Variants in PCSK5 observed in about 807,000 individuals in gnomAD.
PCSK5 encodes the protein proprotein convertase subtilisin/kexin type 5, also known as prohormone convertase 5.
Under a neutral mutation model 233.2 loss-of-function variants are expected in PCSK5, and 129 were observed. That is an observed-to-expected ratio of 0.55 (90% CI 0.48 to 0.64). The LOEUF is 0.64. PCSK5 is among the 30% of genes least tolerant of loss of function. PCSK5 has a pLI of 0.00. For synonymous variants in PCSK5, 825 were observed against 879.2 expected, an observed-to-expected ratio of 0.94 and a Z score of 1.09; for missense variants, 2,076 against 2,430.1, an observed-to-expected ratio of 0.85 and a Z score of 3.06.
chr9:76,175,300 T>TCG, intron 14 of PCSK5, 171 bp downstream of exon 14: 1 of 586,878 alleles, frequency 1.7e-6, no homozygotes, highest in South Asian at 2.1e-5. Flanking sequence ...TCGAATAGAA[T>TCG]AGAATAGAAT....
chr9:75,993,456 C>T (rs1423537386), intron 3 of PCSK5, among the ~76,000 whole-genome samples: 1 of 152,164 alleles, frequency 6.6e-6, no homozygotes, highest in East Asian at 1.9e-4. Flanking sequence ...GCTAGTTGTA[C>T]TGAATATTGA....
rs41310059 is a variant in PCSK5, at chr9:76,068,079, G to A, written c.721+36G>A. 412 of 1,441,804 alleles carry A rather than the reference G, an allele frequency of 2.9e-4. 3 individuals are homozygous for A. The East Asian group carries it at 7.7e-3, about 27-fold the overall frequency. 89.3% of individuals were successfully genotyped at this position (1,441,804 alleles called of 1,614,324 possible). A position where few individuals can be genotyped will look rare whatever the true frequency, so the allele number is the denominator to read the frequency against. The stretch of plus-strand genomic sequence containing the variant: ...CCAACTCACGTGGATGTAGAAATGC[G>A]CCAGTTAGCTCTTTGGCTGACTGGC... On this transcript the variant is annotated intron_variant, in intron 6 of 37. Transcript: ENST00000674117.
chr9:76,264,230 G>T (rs1031338180), intron 24 of PCSK5, among the ~76,000 whole-genome samples: 1 of 152,162 alleles, frequency 6.6e-6, no homozygotes, highest in Admixed American at 6.5e-5. Flanking sequence ...TTTGATAAAT[G>T]GTGCTGGGAT....
At chr9:76,319,398 T>C (rs1829125279) in intron 30 of PCSK5, among the ~76,000 whole-genome samples, 1 of 130,724 alleles carries the variant, frequency 7.6e-6, no homozygotes, top group African/African-American at 2.9e-5. Flanking sequence ...TCATGGACAA[T>C]TATCAATCAT....
chr9:76,258,021 T>A (rs565696638), intron 24 of PCSK5, among the ~76,000 whole-genome samples: 1 of 152,276 alleles, frequency 6.6e-6, no homozygotes, highest in African/African-American at 2.4e-5. Context: ...AACCCAAGGA[T>A]GTCTACCTCT....
intron 2 of PCSK5, among the ~76,000 whole-genome samples, chr9:75,949,200 G>C (rs940295993): frequency 6.6e-6 from 1 of 151,124 alleles, no homozygotes; most frequent in African/African-American, 2.4e-5. Context: ...ATTTAACTCA[G>C]CATCCTTTGT....
intron 2 of PCSK5, among the ~76,000 whole-genome samples, chr9:75,947,972 G>A (rs1245606774): frequency 6.6e-6 from 1 of 152,084 alleles, no homozygotes; most frequent in Non-Finnish European, 1.5e-5. Flanking sequence ...CTCTTGAGGA[G>A]CTGGGACCAC....
chr9:76,101,052 C>T (rs1158742257), intron 8 of PCSK5, among the ~76,000 whole-genome samples: 2 of 152,198 alleles, frequency 1.3e-5, no homozygotes, highest in African/African-American at 4.8e-5. Context: ...ACTCTCTACT[C>T]CTTTACCCGG....
At position 76,274,192 on chromosome 9, in the gene PCSK5, C is replaced by A. The variant is rs140233399; in HGVS notation, c.3143-18041C>A. 1.8e-3 allele frequency among the ~76,000 whole-genome samples: 266 copies of A among 151,986 alleles called. 4 individuals are homozygous for A. Among genetic ancestry groups the A allele is most frequent in the Non-Finnish European group, 1.9e-3 (128 of 67,966 alleles). On this transcript the variant is annotated intron_variant, in intron 24 of 37. Transcript: ENST00000674117. ...TATCTATCTTTGAGTTTACCTAATT[C>A]TTTTTCTGCTATGCCTAATCTACTG...
At chr9:76,032,638 G>T (rs146468690) in intron 5 of PCSK5, among the ~76,000 whole-genome samples, 2 of 152,108 alleles carry the variant, frequency 1.3e-5, no homozygotes, top group Non-Finnish European at 2.9e-5. Flanking sequence ...CCCATCCTTC[G>T]ATTCAGCTTT....
intron 5 of PCSK5, among the ~76,000 whole-genome samples, chr9:76,036,267 C>T (rs1329204242): frequency 6.6e-6 from 1 of 151,958 alleles, no homozygotes; most frequent in Non-Finnish European, 1.5e-5. Context: ...TATTTAATAC[C>T]AATGATAGGT....
chr9:76,174,856 A>G (rs909642387), intron 13 of PCSK5, 130 bp from the exon 14 acceptor site: 1 of 724,208 alleles, frequency 1.4e-6, no homozygotes, highest in African/African-American at 1.8e-5. Flanking sequence ...TCTGCGTTTG[A>G]TGTAGTGATT....
chr9:76,330,815 A>G (rs1279882506), intron 33 of PCSK5, among the ~76,000 whole-genome samples: 1 of 151,984 alleles, frequency 6.6e-6, no homozygotes, highest in Non-Finnish European at 1.5e-5. Flanking sequence ...CTGGTCCACA[A>G]ATCTCTGTGA....
intron 9 of PCSK5, among the ~76,000 whole-genome samples, chr9:76,118,178 C>G (rs557803318): frequency 6.6e-6 from 1 of 151,950 alleles, no homozygotes; most frequent in Non-Finnish European, 1.5e-5. Context: ...TCTGAGGAAT[C>G]GTAACATTGG....
intron 1 of PCSK5, among the ~76,000 whole-genome samples, chr9:75,909,995 G>A (rs183656156): frequency 1.7e-4 from 26 of 152,326 alleles, no homozygotes; most frequent in Non-Finnish European, 1.5e-5. Context: ...TCCAGATGGT[G>A]GATGCTTCAT....
intron 3 of PCSK5, among the ~76,000 whole-genome samples, chr9:75,987,008 C>G (rs1201925966): frequency 1.3e-5 from 2 of 152,186 alleles, no homozygotes; most frequent in African/African-American, 4.8e-5. Context: ...TTACTTTCTT[C>G]TTTCTTGAAA....
intron 20 of PCSK5, among the ~76,000 whole-genome samples, chr9:76,190,388 T>G (rs948509553): frequency 1.3e-5 from 2 of 152,104 alleles, no homozygotes; most frequent in Admixed American, 6.5e-5. Flanking sequence ...ATCTGTATAA[T>G]TGGAATTATA....
At chr9:76,242,167 G>A (rs1371925769) in intron 24 of PCSK5, among the ~76,000 whole-genome samples, 2 of 152,154 alleles carry the variant, frequency 1.3e-5, no homozygotes, top group African/African-American at 4.8e-5. Flanking sequence ...GATGTGTGAT[G>A]ATCAAGTCAG....
chr9:76,234,199 T>C (rs963304085), intron 22 of PCSK5, among the ~76,000 whole-genome samples: 2 of 152,212 alleles, frequency 1.3e-5, no homozygotes, highest in African/African-American at 4.8e-5. Context: ...ATTCATATTT[T>C]ATTTTTTTCT....
Sources: gnomAD v4.1 joint callset for allele counts (sites outside exome capture counted in the v4.1 genomes callset) on GRCh38, gnomAD v4.1.1 for gene constraint, MANE v1.5 for transcripts, NCBI Gene and HGNC (gene_info 2026-07-23, HGNC 2026-07-21) for gene names.